Variants in NRG3 observed in about 807,000 individuals in gnomAD.
The protein encoded by NRG3 is neuregulin 3, also known as pro-neuregulin-3, membrane-bound isoform.
Under a neutral mutation model 66.9 loss-of-function variants are expected in NRG3, and 31 were observed. That is an observed-to-expected ratio of 0.46 (90% CI 0.35 to 0.63). The LOEUF (loss-of-function observed/expected upper bound fraction) is 0.63. Ranked by LOEUF, NRG3 falls within the 20% of genes least tolerant of loss-of-function variation. NRG3 has a pLI of 0.00. For synonymous variants in NRG3, 393 were observed against 359.4 expected, an observed-to-expected ratio of 1.09 and a Z score of -1.06; for missense variants, 910 against 878.9, an observed-to-expected ratio of 1.04 and a Z score of -0.45.
At chr10:82,889,785 C>T (rs1014332781) in intron 4 of NRG3, among the ~76,000 whole-genome samples, 4 of 152,166 alleles carry the variant, frequency 2.6e-5, no homozygotes, top group Non-Finnish European at 5.9e-5. Context: ...AGTAAAACAG[C>T]AGCAGTGGTT....
chr10:82,132,705 G>A (rs1452995206), intron 1 of NRG3, among the ~76,000 whole-genome samples: 3 of 150,086 alleles, frequency 2.0e-5, no homozygotes, highest in East Asian at 3.9e-4. Context: ...TCTGGTCTTG[G>A]GCCTTTCTTT....
At chr10:82,130,687 A>G (rs1011548865) in intron 1 of NRG3, among the ~76,000 whole-genome samples, 1 of 152,018 alleles carries the variant, frequency 6.6e-6, no homozygotes, top group Non-Finnish European at 1.5e-5. Flanking sequence ...TTTTCTCCAC[A>G]TTCTCGCCAG....
intron 2 of NRG3, among the ~76,000 whole-genome samples, chr10:82,584,887 T>C (rs952769599): frequency 6.6e-6 from 1 of 152,082 alleles, no homozygotes; most frequent in African/African-American, 2.4e-5. Context: ...ACAGTGCTTT[T>C]GGCTGCAGAA....
chr10:82,004,104 G>C lies in NRG3; in HGVS notation c.823+127941G>C, dbSNP rs116693806. On this transcript the variant is annotated intron_variant, in intron 1 of 8. Transcript: ENST00000372141. ...TAAGTGGTCTTAAAATATTTTTATTGGGTTGCAATAATCATTTAAAACATT... is the reference window on the plus strand; with the variant it reads ...TAAGTGGTCTTAAAATATTTTTATTCGGTTGCAATAATCATTTAAAACATT... Among the ~76,000 whole-genome samples the C allele has an allele frequency of 4.6e-3, 697 of 151,702 alleles. 5 individuals carry two copies. The highest frequency in any genetic ancestry group is 0.015 in the African/African-American group (601 of 41,320).
intron 1 of NRG3, among the ~76,000 whole-genome samples, chr10:82,060,152 G>A (rs776996111): frequency 3.3e-5 from 5 of 152,148 alleles, no homozygotes; most frequent in Non-Finnish European, 7.3e-5. Context: ...TGTCTACAAA[G>A]CCATTTCTCA....
At chr10:81,881,460 C>T (rs1030116972) in intron 1 of NRG3, among the ~76,000 whole-genome samples, 1 of 152,010 alleles carries the variant, frequency 6.6e-6, no homozygotes, top group Non-Finnish European at 1.5e-5. Context: ...TTTCTTTTCC[C>T]CCATAGATTG....
intron 1 of NRG3, among the ~76,000 whole-genome samples, chr10:82,120,120 C>G (rs576173860): frequency 1.3e-5 from 2 of 152,148 alleles, no homozygotes; most frequent in East Asian, 3.9e-4. Flanking sequence ...GAACTCTTTG[C>G]CTAAAATTAC....
At chr10:82,660,803 GT>G in intron 2 of NRG3, among the ~76,000 whole-genome samples, 1 of 151,932 alleles carries the variant, frequency 6.6e-6, no homozygotes, top group Non-Finnish European at 1.5e-5. Context: ...CTTCTTATCA[GT>G]TTAATTTTAT....
At chr10:82,029,996 C>T (rs2062488805) in intron 1 of NRG3, among the ~76,000 whole-genome samples, 1 of 152,094 alleles carries the variant, frequency 6.6e-6, no homozygotes, top group African/African-American at 2.4e-5. Flanking sequence ...TCCCCTTTGA[C>T]AAAACAGCCC....
intron 1 of NRG3, among the ~76,000 whole-genome samples, chr10:81,964,622 G>C (rs577428415): frequency 6.6e-6 from 1 of 152,194 alleles, no homozygotes; most frequent in East Asian, 1.9e-4. Flanking sequence ...CCTGTGTCTA[G>C]AATGGAATAC....
intron 1 of NRG3, among the ~76,000 whole-genome samples, chr10:81,879,523 T>G (rs1170097051): frequency 1.3e-5 from 2 of 152,214 alleles, no homozygotes; most frequent in African/African-American, 2.4e-5. Flanking sequence ...CCGGAGTCAT[T>G]GGCTAAATTC....
chr10:82,509,668 T>G (rs1264064011), intron 2 of NRG3, among the ~76,000 whole-genome samples: 1 of 152,138 alleles, frequency 6.6e-6, no homozygotes. Flanking sequence ...ACCACTGTGT[T>G]CCCCCACTAA....
chr10:82,640,303 A>G (rs1395049991), intron 2 of NRG3, among the ~76,000 whole-genome samples: 1 of 152,250 alleles, frequency 6.6e-6, no homozygotes, highest in African/African-American at 2.4e-5. Flanking sequence ...AATGTGGTAC[A>G]TATACACCAT....
chr10:82,314,093 C>T (rs1368540948), intron 1 of NRG3, among the ~76,000 whole-genome samples: 1 of 152,208 alleles, frequency 6.6e-6, no homozygotes, highest in Admixed American at 6.5e-5. Context: ...AGAACCTACT[C>T]AGGCTTCTAA....
intron 4 of NRG3, among the ~76,000 whole-genome samples, chr10:82,941,365 T>C (rs1365164534): frequency 6.6e-6 from 1 of 152,216 alleles, no homozygotes; most frequent in Non-Finnish European, 1.5e-5. Flanking sequence ...GCCATTGAAC[T>C]CTTTGTTCAT....
At chr10:82,496,369 A>G (rs1014058548) in intron 2 of NRG3, among the ~76,000 whole-genome samples, 1 of 152,176 alleles carries the variant, frequency 6.6e-6, no homozygotes, top group African/African-American at 2.4e-5. Context: ...TTTGGATGTG[A>G]GATGATATTC....
intron 1 of NRG3, among the ~76,000 whole-genome samples, chr10:81,990,956 A>G (rs2060716699): frequency 6.6e-6 from 1 of 152,168 alleles, no homozygotes; most frequent in Non-Finnish European, 1.5e-5. Context: ...AATGAGTCAA[A>G]TTGGCAATTT....
At chr10:82,112,698 G>T (rs2067459761) in intron 1 of NRG3, among the ~76,000 whole-genome samples, 1 of 152,148 alleles carries the variant, frequency 6.6e-6, no homozygotes, top group South Asian at 2.1e-4. Context: ...GTGACATTCT[G>T]AAGGTCACCC....
At chr10:82,349,750 C>T (rs375859972) in intron 1 of NRG3, among the ~76,000 whole-genome samples, 35 of 152,286 alleles carry the variant, frequency 2.3e-4, no homozygotes, top group East Asian at 1.2e-3. Flanking sequence ...GAGCCAGGTG[C>T]GGGATAGAAT....
Sources: allele counts gnomAD v4.1 joint callset (sites outside exome capture counted in the v4.1 genomes callset), GRCh38; gene constraint gnomAD v4.1.1; transcripts MANE v1.5; gene names NCBI Gene and HGNC (gene_info 2026-07-23, HGNC 2026-07-21).